CRMP1: variants seen among roughly 807,000 people sequenced by gnomAD.
The protein encoded by CRMP1 is collapsin response mediator protein 1, also known as dihydropyrimidinase-related protein 1.
In CRMP1, 19 loss-of-function variants were observed where a neutral mutation model predicts 68.3. The observed-to-expected ratio is 0.28, with a 90% CI of 0.19 to 0.41. CRMP1 has a LOEUF of 0.41. CRMP1 is among the 10% of genes least tolerant of loss of function. The probability of loss-of-function intolerance (pLI) is 1.00; values close to 1 mark genes in which losing one functional copy is unlikely to be tolerated. For synonymous variants in CRMP1, 439 were observed against 399.6 expected (o/e 1.10, Z -1.18); for missense variants, 791 against 967.4 (o/e 0.82, Z 2.42).
chr4:5,841,383 T>C lies in CRMP1; in HGVS notation c.1078A>G (p.Ile360Val). 1 of 1,614,126 alleles carries C rather than the reference T, an allele frequency of 6.2e-7. No homozygotes were observed. ...TTGGTGATGTACACAGGGCAGTTGA[T>C]CCGGCCCGCAATGGTGATGGCCCGG... ...VFRAITIAGR[I>V]NCPVYITKVM... Residue 360 changes from isoleucine (I) to valine (V), a missense_variant, in exon 8 of 14, where the codon ATC becomes GTC. Around this residue, in one of 3 missense-constraint regions of CRMP1, gnomAD observed 594 missense variants for 763.6 expected, o/e 0.78. Coordinates refer to ENST00000324989, the MANE Select transcript of CRMP1 (RefSeq NM_001014809.3). The surrounding 1 kb of genome is among the most constrained non-coding windows in gnomAD (Gnocchi z 6.9).
chr4:5,821,343 C>G lies in CRMP1; in HGVS notation c.*417G>C, dbSNP rs1718516841. The G allele has an allele frequency of 5.8e-6, 1 of 173,732 alleles. No individual in the cohort carries two copies. Among genetic ancestry groups the G allele is most frequent in the Non-Finnish European group, 1.2e-5 (1 of 80,674 alleles). The allele number at this position is 173,732 out of a possible 1,614,324, so 10.8% of individuals were successfully genotyped here. On this transcript the variant is annotated 3_prime_UTR_variant, in exon 14 of 14. Coordinates refer to ENST00000324989, the MANE Select transcript of CRMP1 (RefSeq NM_001014809.3). The surrounding 1 kb of genome is among the most constrained non-coding windows in gnomAD (Gnocchi z 4.4). Reference sequence around the variant, plus strand: ...GTCTCAGTCAGTCCTTGGCGATGTCCCCTCAGACGCACTCACAGACTTGCA... The same window carrying G: ...GTCTCAGTCAGTCCTTGGCGATGTCGCCTCAGACGCACTCACAGACTTGCA...
chr4:5,878,680 C>G (rs900449425), intron 1 of CRMP1, among the ~76,000 whole-genome samples: 1 of 152,208 alleles, frequency 6.6e-6, no homozygotes, highest in Non-Finnish European at 1.5e-5. Context: ...CGTGGCCCCA[C>G]ACCTCCAAAC....
Position 5,842,242 on chromosome 4 carries a change from AC to A in CRMP1, c.1033-815del, listed in dbSNP as rs1243561017. Among the ~76,000 whole-genome samples, 2 of 151,910 alleles carry A rather than the reference AC, an allele frequency of 1.3e-5. No individual in the cohort carries two copies. Among genetic ancestry groups the A allele is most frequent in the Non-Finnish European group, 2.9e-5 (2 of 67,952 alleles). ...GACAGAGCGAGACTCTGTCTCAAAA[AC>A]AAACAAAACAAACAAACAAAAAACA... On this transcript the variant is annotated intron_variant, in intron 7 of 13. Transcript: ENST00000324989. This position sits in a 1 kb window ranked among gnomAD's most constrained non-coding sequence, Gnocchi z 4.5.
At position 5,835,011 on chromosome 4, in the gene CRMP1, C is replaced by T. The variant is rs1577755494; in HGVS notation, c.1623+904G>A. ...TCCTGTGGCTTTCTTATGAAACTTCCTTGTGCCTCATGTCCTGTCCCCACA... is the reference window on the plus strand; with the variant it reads ...TCCTGTGGCTTTCTTATGAAACTTCTTTGTGCCTCATGTCCTGTCCCCACA... On this transcript the variant is annotated intron_variant, in intron 11 of 13. Transcript: ENST00000324989. 2.6e-5 allele frequency among the ~76,000 whole-genome samples: 4 copies of T among 152,196 alleles called. No homozygotes were observed. The East Asian group carries it at 7.7e-4, about 29-fold the overall frequency.
intron 1 of CRMP1, among the ~76,000 whole-genome samples, chr4:5,873,360 T>C (rs974854164): frequency 2.0e-5 from 3 of 152,132 alleles, no homozygotes; most frequent in African/African-American, 7.2e-5. Context: ...CACAATGCCA[T>C]AAAGAAATGC....
rs1715124488 is a variant in CRMP1, at chr4:5,879,988, T to C, written c.381+12601A>G. 6.6e-6 allele frequency among the ~76,000 whole-genome samples: 1 copy of C among 152,096 alleles called. No individual in the cohort carries two copies. Among genetic ancestry groups the C allele is most frequent in the Non-Finnish European group, 1.5e-5 (1 of 68,010 alleles). ...TTGGAAAAGAGAAGGTCCTAAGTAA[T>C]GGAGAAACATCTTCCAGTGCCTCTA... On this transcript the variant is annotated intron_variant, in intron 1 of 13. Coordinates refer to ENST00000324989, the MANE Select transcript of CRMP1 (RefSeq NM_001014809.3). The surrounding 1 kb of genome is among the most constrained non-coding windows in gnomAD (Gnocchi z 4.2).
chr4:5,836,269 A>C (rs1176130173), intron 10 of CRMP1, among the ~76,000 whole-genome samples, 184 bp from the exon 11 acceptor site: 2 of 152,158 alleles, frequency 1.3e-5, no homozygotes, highest in African/African-American at 4.8e-5. Flanking sequence ...GAGGACATTT[A>C]ATTAACCGCA....
At position 5,841,773 on chromosome 4, in the gene CRMP1, C is replaced by G. The variant is rs141742801; in HGVS notation, c.1033-345G>C. ...GTGGGATCTCAAGCCCCTCAGGACA[C>G]GGAACCTGTCCACTCATGTGGACTC... On this transcript the variant is annotated intron_variant, in intron 7 of 13. Coordinates refer to ENST00000324989, the MANE Select transcript of CRMP1 (RefSeq NM_001014809.3). This position sits in a 1 kb window ranked among gnomAD's most constrained non-coding sequence, Gnocchi z 6.9. 7.2e-3 allele frequency among the ~76,000 whole-genome samples: 1,096 copies of G among 152,290 alleles called. 12 individuals carry two copies. The highest frequency in any genetic ancestry group is 0.036 in the South Asian group (174 of 4,830).
rs1712505119 is a variant in CRMP1 at position 5,850,003 on chromosome 4, A to G, written c.883-531T>C. ...GCTCTCTAATAACTCCAATACTCAG[A>G]AAATATATAGCATGCCAACCATCCT... On this transcript the variant is annotated intron_variant, in intron 5 of 13. Transcript: ENST00000324989. The surrounding 1 kb of genome is among the most constrained non-coding windows in gnomAD (Gnocchi z 4.4). 1.3e-5 allele frequency among the ~76,000 whole-genome samples: 2 copies of G among 152,212 alleles called. No individual in the cohort carries two copies. The highest frequency in any genetic ancestry group is 1.3e-4 in the Admixed American group (2 of 15,292).
chr4:5,838,422 C>T lies in CRMP1; in HGVS notation c.1310+1100G>A, dbSNP rs939970463. 1.3e-5 allele frequency among the ~76,000 whole-genome samples: 2 copies of T among 151,814 alleles called. No individual in the cohort carries two copies. The highest frequency in any genetic ancestry group is 2.9e-5 in the Non-Finnish European group (2 of 68,004). On this transcript the variant is annotated intron_variant, in intron 9 of 13. Transcript: ENST00000324989. The surrounding 1 kb of genome is among the most constrained non-coding windows in gnomAD (Gnocchi z 4.9). The stretch of plus-strand genomic sequence containing the variant: ...TTGATCTAATCTAGGTTCTAAATGT[C>T]TGACAGCAGACTGTGATGGGTAGGG...
intron 13 of CRMP1, chr4:5,824,288 CTT>C: frequency 1.0e-6 from 1 of 985,294 alleles, no homozygotes; most frequent in Non-Finnish European, 1.2e-6. Context: ...CATCACATGA[CTT>C]TTAGCATTCT....
At position 5,834,189 on chromosome 4, in the gene CRMP1, C is replaced by T. The variant is rs1360932070; in HGVS notation, c.1623+1726G>A. ...ACCTTGTGAAGCAAGGGGCAGCTCC[C>T]ACAGCCAGATGGCGGTAGGAGTGCA... is the stretch of plus-strand genomic sequence containing the variant. On this transcript the variant is annotated intron_variant, in intron 11 of 13. Transcript: ENST00000324989. The surrounding 1 kb of genome is among the most constrained non-coding windows in gnomAD (Gnocchi z 4.3). 6.6e-6 allele frequency among the ~76,000 whole-genome samples: 1 copy of T among 152,226 alleles called. No individual in the cohort carries two copies. Among genetic ancestry groups the T allele is most frequent in the Admixed American group, 6.5e-5 (1 of 15,284 alleles).
chr4:5,892,583 G>A lies in CRMP1; in HGVS notation c.381+6C>T. ...CTCGTCTGGCCCGCGCGCGCCCCGA[G>A]GGTACCTGGCCATTGTCCCGGCCGA... On this transcript the variant is annotated splice_donor_region_variant and intron_variant, in intron 1 of 13. Coordinates refer to ENST00000324989, the MANE Select transcript of CRMP1 (RefSeq NM_001014809.3). This position sits in a 1 kb window ranked among gnomAD's most constrained non-coding sequence, Gnocchi z 8.6. 1 of 1,178,616 alleles carries A rather than the reference G, an allele frequency of 8.5e-7. No individual in the cohort carries two copies. 73.0% of individuals were successfully genotyped at this position (1,178,616 alleles called of 1,614,324 possible).
chr4:5,851,816 AGAG>A lies in CRMP1; in HGVS notation c.821-350_821-348del, dbSNP rs540710993. Among the ~76,000 whole-genome samples, 422 of 146,958 alleles carry A rather than the reference AGAG, an allele frequency of 2.9e-3. 4 individuals are homozygous for A. Among genetic ancestry groups the A allele is most frequent in the African/African-American group, 8.5e-3 (335 of 39,432 alleles). ...AGGAAGAGGAAGAGGAGGAAAAAGA[AGAG>A]GAGGAGAAAGAAGGAGAAGGGGAGG... On this transcript the variant is annotated intron_variant, in intron 4 of 13. Coordinates refer to ENST00000324989, the MANE Select transcript of CRMP1 (RefSeq NM_001014809.3).
chr4:5,835,631 T>C (rs1057159339), intron 11 of CRMP1, among the ~76,000 whole-genome samples: 9 of 152,140 alleles, frequency 5.9e-5, no homozygotes, highest in Admixed American at 1.3e-4. Flanking sequence ...TTATAAGCAG[T>C]GTCAGATGGC....
chr4:5,821,754 C>T lies in CRMP1; in HGVS notation c.*6G>A, dbSNP rs758342117. 1 of 1,605,916 alleles carries T rather than the reference C, an allele frequency of 6.2e-7. No individual in the cohort carries two copies. The highest frequency in any genetic ancestry group is 2.2e-5 in the East Asian group (1 of 44,646). ...CCTTCAGGCTAGCTCCTCCGCGCAT[C>T]CACGTTCAACCGAGGCTGGTGATGT... On this transcript the variant is annotated 3_prime_UTR_variant, in exon 14 of 14. Coordinates refer to ENST00000324989, the MANE Select transcript of CRMP1 (RefSeq NM_001014809.3). This position sits in a 1 kb window ranked among gnomAD's most constrained non-coding sequence, Gnocchi z 4.4.
At chr4:5,827,952 C>A (rs1577736604) in intron 12 of CRMP1, 7 of 793,256 alleles carry the variant, frequency 8.8e-6, no homozygotes, top group Non-Finnish European at 1.1e-5. Context: ...GAGGTCAGTG[C>A]TAAGGTTGTT....
At position 5,889,919 on chromosome 4, in the gene CRMP1, C is replaced by T. The variant is rs1715861468; in HGVS notation, c.381+2670G>A. 7 of 1,385,396 alleles carry T rather than the reference C, an allele frequency of 5.1e-6. No individual in the cohort carries two copies. In the South Asian group the frequency reaches 1.1e-4, roughly 23 times the overall value. The allele number at this position is 1,385,396 out of a possible 1,614,324, so 85.8% of individuals were successfully genotyped here. A position where few individuals can be genotyped will look rare whatever the true frequency, so the allele number is the denominator to read the frequency against. ...TCCCAGGAACACTAGGCATAATTTT[C>T]CCATTTTACAGACAGGAAATTGAGG... On this transcript the variant is annotated intron_variant, in intron 1 of 13. Transcript: ENST00000324989. This position sits in a 1 kb window ranked among gnomAD's most constrained non-coding sequence, Gnocchi z 4.5.
chr4:5,856,968 C>T (rs1479239149), intron 3 of CRMP1, among the ~76,000 whole-genome samples: 5 of 146,174 alleles, frequency 3.4e-5, no homozygotes, highest in African/African-American at 1.3e-4. Flanking sequence ...CATCCACTAT[C>T]ATCACCACCA....
Sources: gnomAD v4.1 joint callset for allele counts (sites outside exome capture counted in the v4.1 genomes callset) on GRCh38, gnomAD v4.1.1 for gene constraint, gnomAD v4.1.1 regional missense constraint, Gnocchi (gnomAD v3.1) non-coding constraint, MANE v1.5 for transcripts, NCBI Gene and HGNC (gene_info 2026-07-23, HGNC 2026-07-21) for gene names.